The following CEP85L variants were observed in gnomAD, a reference collection of about 807,000 sequenced individuals.
CEP85L encodes centrosomal protein 85L.
CEP85L carries 60 observed loss-of-function variants against 100.3 expected under a neutral mutation model. The observed-to-expected ratio is 0.60, with a 90% CI of 0.49 to 0.74. The LOEUF (loss-of-function observed/expected upper bound fraction) is 0.74. Among genes scored for constraint, CEP85L ranks in the 30% least tolerant of loss-of-function variants. The probability of loss-of-function intolerance (pLI) is 0.00; values close to 1 mark genes in which losing one functional copy is unlikely to be tolerated. For missense variants in CEP85L, 973 were observed against 936.2 expected (o/e 1.04, Z -0.51); for synonymous variants, 319 against 322.7 (o/e 0.99, Z 0.12).
intron 3 of CEP85L, among the ~76,000 whole-genome samples, chr6:118,552,388 T>C (rs1778601056): frequency 6.6e-6 from 1 of 152,080 alleles, no homozygotes; most frequent in Non-Finnish European, 1.5e-5. Flanking sequence ...AAAGTATCAA[T>C]TGTCTAGCAA....
intron 1 of CEP85L, among the ~76,000 whole-genome samples, chr6:118,633,826 T>C (rs1774324963): frequency 6.6e-6 from 1 of 152,224 alleles, no homozygotes; most frequent in Non-Finnish European, 1.5e-5. Flanking sequence ...TAATGCCTAA[T>C]ACAGTAAGTC....
chr6:118,525,717 T>C (rs915912186), intron 3 of CEP85L, among the ~76,000 whole-genome samples: 1 of 152,224 alleles, frequency 6.6e-6, no homozygotes, highest in Non-Finnish European at 1.5e-5. Context: ...CTTCCAGAAC[T>C]GTGAGACAAT....
intron 3 of CEP85L, among the ~76,000 whole-genome samples, chr6:118,545,449 G>A (rs984681976): frequency 2.0e-5 from 3 of 152,140 alleles, no homozygotes; most frequent in Admixed American, 6.5e-5. Context: ...TTAGCTGGGC[G>A]TGGTGGCACA....
intron 6 of CEP85L, among the ~76,000 whole-genome samples, chr6:118,486,221 C>A (rs1048759979): frequency 1.3e-5 from 2 of 152,044 alleles, no homozygotes; most frequent in Admixed American, 1.3e-4. Flanking sequence ...AAGTTTTGTG[C>A]TGTCCCATAC....
At chr6:118,570,260 T>C (rs538891625) in intron 2 of CEP85L, among the ~76,000 whole-genome samples, 2 of 152,336 alleles carry the variant, frequency 1.3e-5, no homozygotes, top group African/African-American at 2.4e-5. Flanking sequence ...AACTTGACCA[T>C]ATGGTCAAAC....
chr6:118,519,102 G>A (rs1776457047), intron 4 of CEP85L, among the ~76,000 whole-genome samples: 1 of 151,890 alleles, frequency 6.6e-6, no homozygotes, highest in African/African-American at 2.4e-5. Context: ...GAGACTAAAT[G>A]CCTATACCAG....
At chr6:118,546,515 A>G (rs145866572) in intron 3 of CEP85L, among the ~76,000 whole-genome samples, 1 of 152,296 alleles carries the variant, frequency 6.6e-6, no homozygotes, top group African/African-American at 2.4e-5. Flanking sequence ...AGACTTTCTA[A>G]AACTATTAAC....
intron 3 of CEP85L, among the ~76,000 whole-genome samples, chr6:118,561,993 T>C (rs1159985515): frequency 1.3e-5 from 2 of 152,162 alleles, no homozygotes; most frequent in African/African-American, 4.8e-5. Flanking sequence ...AACAGCACAC[T>C]TCAAAATGTC....
Position 118,651,503 on chromosome 6 carries a change from G to C in CEP85L, c.-234C>G, listed in dbSNP as rs1210747277. 3 of 1,269,654 alleles carry C rather than the reference G, an allele frequency of 2.4e-6. No homozygotes were observed. Among genetic ancestry groups the C allele is most frequent in the Non-Finnish European group, 3.0e-6 (3 of 1,008,662 alleles). 78.6% of individuals were successfully genotyped at this position (1,269,654 alleles called of 1,614,324 possible). A position where few individuals can be genotyped will look rare whatever the true frequency, so the allele number is the denominator to read the frequency against. On this transcript the variant is annotated 5_prime_UTR_variant, in exon 1 of 13. Coordinates refer to ENST00000368491, the MANE Select transcript of CEP85L (RefSeq NM_001042475.3). ...CGGCTGGGCTGAGGCCCGCGCCGGG[G>C]AAGCGGCGACTCGGCGGTGACGGCT...
chr6:118,542,608 T>C (rs992165368), intron 3 of CEP85L, among the ~76,000 whole-genome samples: 6 of 151,984 alleles, frequency 3.9e-5, no homozygotes, highest in African/African-American at 1.2e-4. Context: ...CTGAAAATCA[T>C]AGAGTAAGGT....
chr6:118,517,930 GT>G (rs1776379634), intron 4 of CEP85L, among the ~76,000 whole-genome samples: 1 of 152,174 alleles, frequency 6.6e-6, no homozygotes, highest in Admixed American at 6.5e-5. Context: ...AGTTTATTGA[GT>G]TTTTAGCATG....
chr6:118,681,204 T>G (rs953846620), intron 1 of CEP85L, among the ~76,000 whole-genome samples: 3 of 152,246 alleles, frequency 2.0e-5, no homozygotes, highest in African/African-American at 7.2e-5. Context: ...TGGATTTATA[T>G]AAGTCAAATG....
At chr6:118,524,491 C>T (rs1220685504) in intron 3 of CEP85L, among the ~76,000 whole-genome samples, 1 of 152,058 alleles carries the variant, frequency 6.6e-6, no homozygotes, top group Non-Finnish European at 1.5e-5. Context: ...ATTCCCATTA[C>T]CTTGTGGAAG....
Position 118,602,726 on chromosome 6 carries a change from T to C in CEP85L, c.232+29727A>G, listed in dbSNP as rs549133619. Among the ~76,000 whole-genome samples, 4 of 152,368 alleles carry C rather than the reference T, an allele frequency of 2.6e-5. No individual in the cohort carries two copies. The East Asian group carries it at 5.8e-4, about 22-fold the overall frequency. ...GCTTTATAAAACTTGGCCTGATTAT[T>C]TGCATAAAGTGCAGCAAGAATAATT... On this transcript the variant is annotated intron_variant, in intron 2 of 12. Transcript: ENST00000368491.
At chr6:118,537,508 A>C in intron 3 of CEP85L, 1 of 985,044 alleles carries the variant, frequency 1.0e-6, no homozygotes, top group East Asian at 1.1e-4. Context: ...TAGACCCAGA[A>C]AATATACATA....
intron 2 of CEP85L, among the ~76,000 whole-genome samples, chr6:118,594,606 C>T (rs1208156865): frequency 6.6e-6 from 1 of 152,040 alleles, no homozygotes; most frequent in Non-Finnish European, 1.5e-5. Flanking sequence ...CGGTGGCTCA[C>T]GCCTGTAATC....
At chr6:118,509,170 T>C (rs1234974369) in intron 5 of CEP85L, among the ~76,000 whole-genome samples, 1 of 152,124 alleles carries the variant, frequency 6.6e-6, no homozygotes, top group African/African-American at 2.4e-5. Context: ...TATTTGTCCT[T>C]GCACGCTGGC....
intron 6 of CEP85L, among the ~76,000 whole-genome samples, chr6:118,486,125 T>C (rs139993469): frequency 6.6e-5 from 10 of 152,330 alleles, no homozygotes; most frequent in African/African-American, 2.2e-4. Context: ...TACATATTCA[T>C]TGGGTCTTGG....
Position 118,651,459 on chromosome 6 carries a change from G to A in CEP85L, c.-190C>T, listed in dbSNP as rs1388731451. 7.6e-7 allele frequency: 1 copy of A among 1,319,574 alleles called. No individual in the cohort carries two copies. Among genetic ancestry groups the A allele is most frequent in the Non-Finnish European group, 9.6e-7 (1 of 1,038,020 alleles). The allele number at this position is 1,319,574 out of a possible 1,614,324, so 81.7% of individuals were successfully genotyped here. On this transcript the variant is annotated 5_prime_UTR_variant, in exon 1 of 13. Coordinates refer to ENST00000368491, the MANE Select transcript of CEP85L (RefSeq NM_001042475.3). ...AGGGGCCAGATTCGCCGCACTGCCG[G>A]CGCCTGCCATGGCCAAGCCGGCTGG... is the stretch of plus-strand genomic sequence containing the variant.
Sources: allele counts gnomAD v4.1 joint callset (sites outside exome capture counted in the v4.1 genomes callset), GRCh38; gene constraint gnomAD v4.1.1; transcripts MANE v1.5; gene names NCBI Gene and HGNC (gene_info 2026-07-23, HGNC 2026-07-21).